SNAI3: variants seen among roughly 807,000 people sequenced by gnomAD.
SNAI3 encodes snail family transcriptional repressor 3.
Under a neutral mutation model 16.4 loss-of-function variants are expected in SNAI3, and 21 were observed. The ratio of observed to expected loss-of-function variants is 1.28; its 90% CI spans 0.91 to 1.85. The LOEUF is 1.85. SNAI3 is among the 40% of genes most tolerant of loss of function. The pLI is 0.00. For missense variants in SNAI3, 457 were observed against 372.8 expected (o/e 1.23, Z -1.86); for synonymous variants, 202 against 166.6 (o/e 1.21, Z -1.64).
At chr16:88,682,126 G>C (rs76399080) in intron 1 of SNAI3, among the ~76,000 whole-genome samples, 4 of 152,174 alleles carry the variant, frequency 2.6e-5, no homozygotes, top group African/African-American at 7.2e-5. Flanking sequence ...GCATCCTCCA[G>C]GTGCCCATGC....
intron 1 of SNAI3, among the ~76,000 whole-genome samples, chr16:88,684,766 C>T (rs1047380713): frequency 3.9e-5 from 6 of 152,216 alleles, no homozygotes; most frequent in African/African-American, 1.4e-4. Flanking sequence ...GCTGAGATTA[C>T]AGGCATGAGC....
rs189094974 is a variant in SNAI3 at position 88,684,535 on chromosome 16, G to A, written c.76+1796C>T. On this transcript the variant is annotated intron_variant, in intron 1 of 2. Coordinates refer to ENST00000332281, the MANE Select transcript of SNAI3 (RefSeq NM_178310.4). Reference sequence around the variant, plus strand: ...TTTTGAGACAGAGTCTCGCTCTGTCGCCCAGGTTGGAGTGCAGGGGCGCGA... The same window carrying A: ...TTTTGAGACAGAGTCTCGCTCTGTCACCCAGGTTGGAGTGCAGGGGCGCGA... Among the ~76,000 whole-genome samples the A allele has an allele frequency of 2.6e-3, 398 of 152,256 alleles. 4 individuals carry two copies. In the Middle Eastern group the frequency reaches 0.037, roughly 14 times the overall value.
At chr16:88,683,241 C>T (rs1465118683) in intron 1 of SNAI3, among the ~76,000 whole-genome samples, 2 of 151,700 alleles carry the variant, frequency 1.3e-5, no homozygotes, top group African/African-American at 2.4e-5. Flanking sequence ...TACAGGTGTG[C>T]GCCACCATGC....
At chr16:88,682,534 C>T (rs1294154659) in intron 1 of SNAI3, among the ~76,000 whole-genome samples, 1 of 152,238 alleles carries the variant, frequency 6.6e-6, no homozygotes, top group Non-Finnish European at 1.5e-5. Context: ...AATCTCCCAA[C>T]AGCCCTCAAT....
chr16:88,686,304 G>T, intron 1 of SNAI3, 27 bp downstream of exon 1: 1 of 1,607,486 alleles, frequency 6.2e-7, no homozygotes, highest in Non-Finnish European at 8.5e-7. Flanking sequence ...AGTCCCGGCA[G>T]GGGCTCGGGG....
chr16:88,681,644 A>AG lies in SNAI3; in HGVS notation c.146dup (p.Ser50PhefsTer5). 1 of 1,464,650 alleles carries AG rather than the reference A, an allele frequency of 6.8e-7. No homozygotes were observed. The highest frequency in any genetic ancestry group is 9.1e-7 in the Non-Finnish European group (1 of 1,104,034). The allele number at this position is 1,464,650 out of a possible 1,614,324, so 90.7% of individuals were successfully genotyped here. A position where few individuals can be genotyped will look rare whatever the true frequency, so the allele number is the denominator to read the frequency against. On this transcript the variant is annotated frameshift_variant, in exon 2 of 3. Coordinates refer to ENST00000332281, the MANE Select transcript of SNAI3 (RefSeq NM_178310.4). LOFTEE classifies it high-confidence loss of function. The surrounding 1 kb of genome is among the most constrained non-coding windows in gnomAD (Gnocchi z 5.4). ...GCTGGGGAAGGTCACCGGGCACAGAAGGGGCCTCCTTGTCTCGGGGGAGGA... is the reference window on the plus strand; with the variant it reads ...GCTGGGGAAGGTCACCGGGCACAGAAGGGGGCCTCCTTGTCTCGGGGGAGGA...
chr16:88,680,429 G>C (rs1296864211), intron 2 of SNAI3, among the ~76,000 whole-genome samples: 1 of 151,734 alleles, frequency 6.6e-6, no homozygotes, highest in African/African-American at 2.4e-5. Flanking sequence ...GGGATTACAG[G>C]TGTGCACTGC....
intron 1 of SNAI3, among the ~76,000 whole-genome samples, chr16:88,684,065 C>T (rs974142227): frequency 6.6e-6 from 1 of 152,230 alleles, no homozygotes; most frequent in Admixed American, 6.5e-5. Flanking sequence ...CCATCTGCCA[C>T]TCTCTCCTGA....
chr16:88,682,072 C>T (rs533902787), intron 1 of SNAI3, among the ~76,000 whole-genome samples: 99 of 152,310 alleles, frequency 6.5e-4, no homozygotes, highest in Non-Finnish European at 1.2e-3. Flanking sequence ...GCAGGACCCT[C>T]TGATGAGCCC....
rs991164813 is a variant in SNAI3 at position 88,681,420 on chromosome 16, C to T, written c.371G>A (p.Trp124Ter). The T allele has an allele frequency of 6.2e-7, 1 of 1,609,580 alleles. No homozygotes were observed. Among genetic ancestry groups the T allele is most frequent in the Non-Finnish European group, 8.5e-7 (1 of 1,176,986 alleles). ...CCGGTCTGGGCCCAAGGTCGGGGAC[C>T]ACCGTGTGGGCAGCACCAGCAGTGG... Reference protein sequence around the residue: ...LPPLLVLPTRWSPTLGPDRHG... With the variant: ...LPPLLVLPTR The change falls in exon 2 of 3, where the codon TGG (tryptophan) becomes TAG (stop). Residue 124 changes from tryptophan (W) to a stop codon, truncating the protein, a stop_gained. Coordinates refer to ENST00000332281, the MANE Select transcript of SNAI3 (RefSeq NM_178310.4). LOFTEE classifies it high-confidence loss of function. The surrounding 1 kb of genome is among the most constrained non-coding windows in gnomAD (Gnocchi z 5.4).
chr16:88,678,427 C>T lies in SNAI3; in HGVS notation c.*21G>A. 2.7e-6 allele frequency: 2 copies of T among 753,666 alleles called. No homozygotes were observed. Among genetic ancestry groups the T allele is most frequent in the Non-Finnish European group, 4.9e-6 (2 of 410,518 alleles). 46.7% of individuals were successfully genotyped at this position (753,666 alleles called of 1,614,324 possible). On this transcript the variant is annotated 3_prime_UTR_variant, in exon 3 of 3. Transcript: ENST00000332281. Reference sequence around the variant, plus strand: ...CTCCCGGTGAGGACCATCCCTCCTACCTGCGCCGACCACGTGCCTCTCAGG... The same window carrying T: ...CTCCCGGTGAGGACCATCCCTCCTATCTGCGCCGACCACGTGCCTCTCAGG...
chr16:88,678,946 G>A (rs1446503085), intron 2 of SNAI3: 3 of 985,410 alleles, frequency 3.0e-6, no homozygotes, highest in Non-Finnish European at 3.6e-6. Flanking sequence ...GGCAAGTGGG[G>A]GGGTCTGGCC....
chr16:88,681,174 G>C lies in SNAI3; in HGVS notation c.617C>G (p.Thr206Arg). Residue 206 changes from threonine to arginine, a missense_variant, in exon 2 of 3, where the codon ACG becomes AGG. Transcript: ENST00000332281. This position sits in a 1 kb window ranked among gnomAD's most constrained non-coding sequence, Gnocchi z 5.4. The stretch of plus-strand genomic sequence containing the variant: ...ACAGATCTTGCAGGTGCAGGGCAGC[G>C]TGTGAGTGCGGATGTGCATCTTGAG... ...GALKMHIRTH[T>R]LPCTCKICGK... 6.2e-7 allele frequency: 1 copy of C among 1,613,830 alleles called. No individual in the cohort carries two copies. The highest frequency in any genetic ancestry group is 8.5e-7 in the Non-Finnish European group (1 of 1,179,980).
Position 88,681,109 on chromosome 16 carries a change from C to G in SNAI3, c.682G>C (p.Val228Leu). 6.2e-7 allele frequency: 1 copy of G among 1,611,722 alleles called. No individual in the cohort carries two copies. The highest frequency in any genetic ancestry group is 8.5e-7 in the Non-Finnish European group (1 of 1,178,678). Residue 228 changes from valine to leucine, a missense_variant, in exon 2 of 3, where the codon GTC becomes CTC. Coordinates refer to ENST00000332281, the MANE Select transcript of SNAI3 (RefSeq NM_178310.4). This position sits in a 1 kb window ranked among gnomAD's most constrained non-coding sequence, Gnocchi z 5.4. Reference protein sequence around the residue: ...FSRPWLLQGHVRTHTGEKPYA... With the variant: ...FSRPWLLQGHLRTHTGEKPYA... The stretch of plus-strand genomic sequence containing the variant: ...CCTGTCCTACCTGTGTGGGTGCGGA[C>G]ATGGCCCTGCAGTAACCAGGGCCTG...
Position 88,678,638 on chromosome 16 carries a change from G to A in SNAI3, c.698-9C>T. The A allele has an allele frequency of 2.8e-6, 4 of 1,414,566 alleles. No homozygotes were observed. Among genetic ancestry groups the A allele is most frequent in the Non-Finnish European group, 4.0e-6 (4 of 1,007,492 alleles). 87.6% of individuals were successfully genotyped at this position (1,414,566 alleles called of 1,614,324 possible). ...GGCATAGGGCTTCTCCCCTGTGGGA[G>A]GAAGGCGGCGGCCAGTGACACCATG... On this transcript the variant is annotated splice_polypyrimidine_tract_variant and intron_variant, in intron 2 of 2. Transcript: ENST00000332281.
rs767306203 is a variant in SNAI3 at position 88,681,579 on chromosome 16, GGCAGGGAGATGCAGGCGACGGCCGAGGA to G, written c.184_211del (p.Ser62ProfsTer39). On this transcript the variant is annotated frameshift_variant, in exon 2 of 3. Transcript: ENST00000332281. LOFTEE classifies it high-confidence loss of function. This position sits in a 1 kb window ranked among gnomAD's most constrained non-coding sequence, Gnocchi z 5.4. ...AGCTTCCTCGATCCGTGGCAGGAGG[GGCAGGGAGATGCAGGCGACGGCCGAGGA>G]GCGGTCCCAGGGCTGGGGAAGGTCA... 70 of 1,505,972 alleles carry G rather than the reference GGCAGGGAGATGCAGGCGACGGCCGAGGA, an allele frequency of 4.6e-5. No homozygotes were observed. Among genetic ancestry groups the G allele is most frequent in the Non-Finnish European group, 6.0e-5 (68 of 1,126,066 alleles). 93.3% of individuals were successfully genotyped at this position (1,505,972 alleles called of 1,614,324 possible). A position where few individuals can be genotyped will look rare whatever the true frequency, so the allele number is the denominator to read the frequency against.
chr16:88,679,037 A>G, intron 2 of SNAI3: 2 of 985,448 alleles, frequency 2.0e-6, no homozygotes, highest in African/African-American at 3.5e-5. Context: ...CATCAGGACA[A>G]CAGGGGATCT....
In SNAI3 at chr16:88,681,751, A is replaced by C; in HGVS notation, c.77-37T>G. 7.2e-7 allele frequency: 1 copy of C among 1,380,842 alleles called. No homozygotes were observed. Among genetic ancestry groups the C allele is most frequent in the Non-Finnish European group, 9.4e-7 (1 of 1,062,780 alleles). 85.5% of individuals were successfully genotyped at this position (1,380,842 alleles called of 1,614,324 possible). ...GAGGGGAGAGAATAGAAAGATGAAGACTGAATCCCCAGCACTTTGTGTTTT... is the reference window on the plus strand; with the variant it reads ...GAGGGGAGAGAATAGAAAGATGAAGCCTGAATCCCCAGCACTTTGTGTTTT... On this transcript the variant is annotated intron_variant, in intron 1 of 2. Transcript: ENST00000332281. This position sits in a 1 kb window ranked among gnomAD's most constrained non-coding sequence, Gnocchi z 5.4.
In SNAI3 at chr16:88,681,351, C is replaced by T. The variant is rs142703619; in HGVS notation, c.440G>A (p.Arg147Gln). ...GAAGCACTCAAAGCCGCCCGGGGCT[C>T]GGGGCATCCGCTCAGCCCCAAGCAG... ...EKLLGAERMPRAPGGFECFHC... is the reference protein window; with the variant it reads ...EKLLGAERMPQAPGGFECFHC... The change falls in exon 2 of 3, where the codon CGA becomes CAA. Residue 147 changes from arginine to glutamine, a missense_variant. Coordinates refer to ENST00000332281, the MANE Select transcript of SNAI3 (RefSeq NM_178310.4). This position sits in a 1 kb window ranked among gnomAD's most constrained non-coding sequence, Gnocchi z 5.4. The T allele has an allele frequency of 5.0e-5, 81 of 1,612,800 alleles. No homozygotes were observed. The East Asian group carries it at 5.6e-4, about 11-fold the overall frequency.
Sources: allele counts gnomAD v4.1 joint callset (sites outside exome capture counted in the v4.1 genomes callset), GRCh38; gene constraint gnomAD v4.1.1; non-coding constraint Gnocchi (gnomAD v3.1); transcripts MANE v1.5; gene names NCBI Gene and HGNC (gene_info 2026-07-23, HGNC 2026-07-21).